CTNNA1: variants seen among roughly 807,000 people sequenced by gnomAD.
CTNNA1 encodes the protein catenin alpha-1.
In CTNNA1, 37 loss-of-function variants were observed where a neutral mutation model predicts 98.4. The observed-to-expected ratio is 0.38, with a 90% CI of 0.29 to 0.49. CTNNA1 has a LOEUF of 0.49. Among genes scored for constraint, CTNNA1 ranks in the 20% least tolerant of loss-of-function variants. The pLI, the probability that CTNNA1 is intolerant of heterozygous loss-of-function variation, is 0.95. For missense variants in CTNNA1, 761 were observed against 1,147.2 expected, an observed-to-expected ratio of 0.66 and a Z score of 4.86; for synonymous variants, 404 against 413.2, an observed-to-expected ratio of 0.98 and a Z score of 0.27.
chr5:138,898,274 A>G (rs533122682), intron 9 of CTNNA1, among the ~76,000 whole-genome samples: 26 of 150,672 alleles, frequency 1.7e-4, no homozygotes, highest in African/African-American at 5.6e-4. Flanking sequence ...AGGTGCTACT[A>G]TGCTTTCTGT....
At chr5:138,889,411 T>C (rs1754845239) in intron 9 of CTNNA1, among the ~76,000 whole-genome samples, 1 of 152,060 alleles carries the variant, frequency 6.6e-6, no homozygotes, top group East Asian at 1.9e-4. Flanking sequence ...AGGAAACAGG[T>C]TTACAGAGGT....
intron 3 of CTNNA1, among the ~76,000 whole-genome samples, chr5:138,785,155 G>A (rs1755538562): frequency 6.7e-6 from 1 of 148,348 alleles, no homozygotes; most frequent in Admixed American, 6.7e-5. Context: ...TCCGCCTCCC[G>A]GGTTCACGCC....
intron 7 of CTNNA1, among the ~76,000 whole-genome samples, chr5:138,879,171 T>TTA (rs1294788455): frequency 1.2e-5 from 1 of 80,318 alleles, no homozygotes; most frequent in African/African-American, 5.1e-5. Context: ...ACTCCGTCTT[T>TTA]AAAAAAAAAA....
intron 1 of CTNNA1, among the ~76,000 whole-genome samples, chr5:138,777,829 G>A (rs1336134834): frequency 6.8e-6 from 1 of 147,208 alleles, no homozygotes; most frequent in Non-Finnish European, 1.5e-5. Flanking sequence ...CTTCAGCTCG[G>A]CATCAGTGGG....
intron 1 of CTNNA1, among the ~76,000 whole-genome samples, chr5:138,779,568 G>T (rs1467019667): frequency 6.6e-6 from 1 of 151,716 alleles, no homozygotes; most frequent in Non-Finnish European, 1.5e-5. Flanking sequence ...GGATCTCTCT[G>T]TGTGGCCCAG....
rs192686066 is a variant in CTNNA1, at chr5:138,886,219, G to A, written c.1070G>A (p.Arg357His). Residue 357 changes from arginine to histidine, a missense_variant, in exon 8 of 18, where the codon CGT becomes CAT. Arg to His is a conservative substitution (Grantham distance 29). Coordinates refer to ENST00000302763, the MANE Select transcript of CTNNA1 (RefSeq NM_001903.5). ...LLSEYMGNAG[R>H]KERSDALNSA... ...TCTTTTCCTTTTATCCAGGCTGGAC[G>A]TAAAGAAAGAAGTGATGCACTCAAT... The A allele has an allele frequency of 8.6e-5, 138 of 1,609,658 alleles. No homozygotes were observed. The highest frequency in any genetic ancestry group is 1.0e-4 in the Non-Finnish European group (120 of 1,178,172).
chr5:138,788,523 G>A (rs959317744), intron 3 of CTNNA1, among the ~76,000 whole-genome samples: 2 of 152,070 alleles, frequency 1.3e-5, no homozygotes, highest in Admixed American at 1.3e-4. Flanking sequence ...CTATCACCAT[G>A]ATCTAATTCC....
intron 3 of CTNNA1, among the ~76,000 whole-genome samples, chr5:138,787,990 A>T (rs1336133629): frequency 6.6e-6 from 1 of 152,238 alleles, no homozygotes; most frequent in Non-Finnish European, 1.5e-5. Flanking sequence ...TAAGAGTTTA[A>T]TTGTACTACT....
At chr5:138,931,192 T>G (rs1580914868) in intron 16 of CTNNA1, 1 of 442,588 alleles carries the variant, frequency 2.3e-6, no homozygotes, top group Non-Finnish European at 4.2e-6. Context: ...TCTCCCCCTC[T>G]GGGCAGGGGC....
intron 7 of CTNNA1, among the ~76,000 whole-genome samples, chr5:138,885,532 C>T (rs1386588295): frequency 6.6e-6 from 1 of 152,082 alleles, no homozygotes; most frequent in Admixed American, 6.6e-5. Flanking sequence ...TAGAATGTTA[C>T]CCTGGCAAAT....
At chr5:138,861,792 G>A (rs1449386022) in intron 7 of CTNNA1, among the ~76,000 whole-genome samples, 1 of 152,154 alleles carries the variant, frequency 6.6e-6, no homozygotes, top group East Asian at 1.9e-4. Flanking sequence ...AAAGAGAAGC[G>A]TGGACTGAAA....
At chr5:138,930,443 T>C (rs1185664732) in intron 14 of CTNNA1, 30 bp from the exon 15 acceptor site, 14 of 1,556,620 alleles carry the variant, frequency 9.0e-6, no homozygotes, top group Admixed American at 1.8e-5. Context: ...ATTCTTTTTA[T>C]GTAAGAGCTC....
intron 7 of CTNNA1, among the ~76,000 whole-genome samples, chr5:138,882,996 TTTTTGTAA>T (rs1377996550): frequency 1.3e-5 from 2 of 151,920 alleles, no homozygotes; most frequent in African/African-American, 4.8e-5. Flanking sequence ...GCCTGGCTAA[TTTTTGTAA>T]TTTTGTAATT....
chr5:138,864,110 A>G (rs1490176358), intron 7 of CTNNA1, among the ~76,000 whole-genome samples: 2 of 152,144 alleles, frequency 1.3e-5, no homozygotes, highest in Non-Finnish European at 2.9e-5. Flanking sequence ...CTACAGGTGC[A>G]CCACACCCAG....
At chr5:138,799,890 A>ATGTG (rs1223498251) in intron 3 of CTNNA1, among the ~76,000 whole-genome samples, 10 of 138,716 alleles carry the variant, frequency 7.2e-5, no homozygotes, top group Non-Finnish European at 8.9e-5. Flanking sequence ...GTATGTATGT[A>ATGTG]TGTGTGTGTG....
chr5:138,918,336 AG>A (rs1251936499), intron 11 of CTNNA1, among the ~76,000 whole-genome samples: 2 of 152,208 alleles, frequency 1.3e-5, no homozygotes, highest in Non-Finnish European at 2.9e-5. Context: ...TAGGAGAAGA[AG>A]GGATTCTCAA....
chr5:138,879,171 T>TAAAAAAAGAAAAAAAAAAAAAAAAAA (rs1752327817), intron 7 of CTNNA1, among the ~76,000 whole-genome samples: 1 of 80,318 alleles, frequency 1.2e-5, no homozygotes, highest in Non-Finnish European at 2.2e-5. Flanking sequence ...ACTCCGTCTT[T>TAAAAAAAGAAAAAAAAAAAAAAAAAA]AAAAAAAAAA....
intron 3 of CTNNA1, among the ~76,000 whole-genome samples, chr5:138,799,857 G>GATGGATGGATGTATGT (rs151142176): frequency 1.8e-3 from 269 of 149,130 alleles, no homozygotes; most frequent in African/African-American, 6.3e-3. Context: ...AGTAGATGTA[G>GATGGATGGATGTATGT]ATGTATGTAT....
intron 3 of CTNNA1, among the ~76,000 whole-genome samples, chr5:138,789,054 A>G (rs1756039511): frequency 6.6e-6 from 1 of 152,216 alleles, no homozygotes; most frequent in Non-Finnish European, 1.5e-5. Context: ...TTATTCGTGC[A>G]CTGAGCAACA....
Sources: gnomAD v4.1 joint callset for allele counts (sites outside exome capture counted in the v4.1 genomes callset) on GRCh38, gnomAD v4.1.1 for gene constraint, MANE v1.5 for transcripts, NCBI Gene and HGNC (gene_info 2026-07-23, HGNC 2026-07-21) for gene names.